The following AATF variants were observed in gnomAD, a reference collection of about 807,000 sequenced individuals.
The protein encoded by AATF is protein AATF.
In AATF, 48 loss-of-function variants were observed where a neutral mutation model predicts 63.7. The observed-to-expected ratio is 0.75, with a 90% CI of 0.60 to 0.96. The LOEUF (loss-of-function observed/expected upper bound fraction) is 0.96. AATF is among the 40% of genes least tolerant of loss of function. AATF has a pLI of 0.00. For missense variants in AATF, 639 were observed against 685.7 expected, an observed-to-expected ratio of 0.93 and a Z score of 0.76; for synonymous variants, 258 against 247.7, an observed-to-expected ratio of 1.04 and a Z score of -0.39.
intron 4 of AATF, 68 bp from the exon 5 acceptor site, chr17:36,986,549 T>TA: frequency 1.5e-6 from 2 of 1,322,716 alleles, no homozygotes; most frequent in Non-Finnish European, 1.1e-6. Context: ...AGTCATGAGT[T>TA]ATAGGCATCA....
At chr17:37,026,088 A>G (rs1485373465) in intron 10 of AATF, among the ~76,000 whole-genome samples, 1 of 152,152 alleles carries the variant, frequency 6.6e-6, no homozygotes, top group Non-Finnish European at 1.5e-5. Context: ...AAAATGCCTA[A>G]CCTTAATCTC....
chr17:37,013,625 A>C (rs1426399766), intron 8 of AATF, among the ~76,000 whole-genome samples: 1 of 132,520 alleles, frequency 7.5e-6, no homozygotes, highest in African/African-American at 3.8e-5. Flanking sequence ...CCAAGGGAGG[A>C]CTTCATCTAT....
At chr17:36,990,677 A>G (rs2071206583) in intron 7 of AATF, 97 bp from the exon 8 acceptor site, 2 of 778,070 alleles carry the variant, frequency 2.6e-6, no homozygotes, top group Non-Finnish European at 4.1e-6. Flanking sequence ...TCTTAAGGAA[A>G]ACAGTGCTTT....
chr17:36,977,668 C>G (rs887934332), intron 4 of AATF, among the ~76,000 whole-genome samples: 1 of 152,010 alleles, frequency 6.6e-6, no homozygotes, highest in Non-Finnish European at 1.5e-5. Context: ...AAAAGTATAT[C>G]AAATAAAAAT....
At chr17:36,985,315 C>T (rs1206291147) in intron 4 of AATF, among the ~76,000 whole-genome samples, 1 of 152,080 alleles carries the variant, frequency 6.6e-6, no homozygotes, top group African/African-American at 2.4e-5. Flanking sequence ...ATTGCTCAGG[C>T]TGGAGTGCCG....
chr17:36,956,485 C>T (rs1279680245), intron 4 of AATF, among the ~76,000 whole-genome samples: 1 of 152,000 alleles, frequency 6.6e-6, no homozygotes, highest in Non-Finnish European at 1.5e-5. Context: ...CCAGCCTGGC[C>T]AATGTGGTGA....
chr17:36,969,840 C>T (rs916167749), intron 4 of AATF, among the ~76,000 whole-genome samples: 1 of 152,186 alleles, frequency 6.6e-6, no homozygotes, highest in Admixed American at 6.5e-5. Context: ...TAGGCAACCA[C>T]TAAATCTGCT....
intron 4 of AATF, among the ~76,000 whole-genome samples, chr17:36,967,654 C>G (rs1409768186): frequency 1.4e-5 from 2 of 141,618 alleles, no homozygotes; most frequent in Non-Finnish European, 2.9e-5. Flanking sequence ...TTGGCTACTT[C>G]CAATTTTTGT....
At chr17:37,016,204 C>CT (rs2071427513) in intron 8 of AATF, among the ~76,000 whole-genome samples, 1 of 152,064 alleles carries the variant, frequency 6.6e-6, no homozygotes, top group South Asian at 2.1e-4. Flanking sequence ...TCTCTTTTTT[C>CT]TTAGGAGTTA....
At chr17:36,970,935 A>G (rs958563940) in intron 4 of AATF, among the ~76,000 whole-genome samples, 1 of 152,172 alleles carries the variant, frequency 6.6e-6, no homozygotes, top group Admixed American at 6.5e-5. Flanking sequence ...AACACAAGAC[A>G]GTCAATTTAT....
intron 3 of AATF, among the ~76,000 whole-genome samples, chr17:36,953,548 C>G (rs1024230770): frequency 8.5e-5 from 13 of 152,260 alleles, no homozygotes; most frequent in African/African-American, 3.1e-4. Flanking sequence ...GTGTTTTCTC[C>G]TCTCCTTGGG....
rs113833768 is a variant in AATF at position 36,951,388 on chromosome 17, G to T, written c.283+983G>T. 8.6e-3 allele frequency among the ~76,000 whole-genome samples: 1,309 copies of T among 152,162 alleles called. 25 individuals are homozygous for T. Among genetic ancestry groups the T allele is most frequent in the African/African-American group, 0.031 (1,277 of 41,498 alleles). On this transcript the variant is annotated intron_variant, in intron 2 of 11. Coordinates refer to ENST00000619387, the MANE Select transcript of AATF (RefSeq NM_012138.4). ...GAGTTCTTACCATGCGTCAGGCACT[G>T]AGTTTAGCTCTATAATTTAAGTTCT...
chr17:36,991,880 C>G (rs75390325), intron 8 of AATF, among the ~76,000 whole-genome samples: 1 of 152,082 alleles, frequency 6.6e-6, no homozygotes, highest in Non-Finnish European at 1.5e-5. Flanking sequence ...CCACTGCACC[C>G]GGCCAGACAA....
chr17:37,025,180 A>G (rs2071501729), intron 10 of AATF, among the ~76,000 whole-genome samples: 1 of 152,168 alleles, frequency 6.6e-6, no homozygotes, highest in African/African-American at 2.4e-5. Flanking sequence ...AATCATTGAT[A>G]TGTATAAGAG....
chr17:36,990,922 C>A (rs967315029), intron 8 of AATF, 65 bp downstream of exon 8: 4 of 1,227,458 alleles, frequency 3.3e-6, no homozygotes, highest in African/African-American at 3.2e-5. Flanking sequence ...TTATAGAATT[C>A]TCTGAACAAA....
chr17:37,039,019 C>G (rs540740236), intron 11 of AATF, among the ~76,000 whole-genome samples: 1 of 152,198 alleles, frequency 6.6e-6, no homozygotes, highest in African/African-American at 2.4e-5. Context: ...GGGTCTGCAC[C>G]CTAAATATGG....
At chr17:37,010,927 T>C (rs1173027567) in intron 8 of AATF, among the ~76,000 whole-genome samples, 3 of 152,186 alleles carry the variant, frequency 2.0e-5, no homozygotes, top group Non-Finnish European at 2.9e-5. Context: ...CCCTGTTAAA[T>C]GTCCTGACAC....
chr17:36,994,063 A>G (rs1446910237), intron 8 of AATF, among the ~76,000 whole-genome samples: 2 of 152,218 alleles, frequency 1.3e-5, no homozygotes, highest in East Asian at 3.8e-4. Flanking sequence ...CATAGAAGAT[A>G]GTATCTGATA....
chr17:37,003,227 C>A (rs2071315579), intron 8 of AATF, among the ~76,000 whole-genome samples: 1 of 152,020 alleles, frequency 6.6e-6, no homozygotes, highest in Non-Finnish European at 1.5e-5. Flanking sequence ...TGTTTTTTAA[C>A]AAATGGTGTT....
Sources: gnomAD v4.1 joint callset for allele counts (sites outside exome capture counted in the v4.1 genomes callset) on GRCh38, gnomAD v4.1.1 for gene constraint, MANE v1.5 for transcripts, NCBI Gene and HGNC (gene_info 2026-07-23, HGNC 2026-07-21) for gene names.